The following CACNA1F variants were observed in gnomAD, a reference collection of about 807,000 sequenced individuals.
CACNA1F encodes voltage-dependent L-type calcium channel subunit alpha-1F.
A neutral mutation model predicts 143.8 loss-of-function variants in CACNA1F; 59 were observed. The observed-to-expected ratio is 0.41, with a 90% CI of 0.33 to 0.51. The LOEUF (loss-of-function observed/expected upper bound fraction) is 0.51, where lower values mean the gene tolerates loss of function less well. Among genes scored for constraint, CACNA1F ranks in the 20% least tolerant of loss-of-function variants. The pLI, the probability that CACNA1F is intolerant of heterozygous loss-of-function variation, is 0.22. For synonymous variants in CACNA1F, 643 were observed against 649.1 expected, an observed-to-expected ratio of 0.99 and a Z score of 0.14; for missense variants, 1,411 against 1,647.5, an observed-to-expected ratio of 0.86 and a Z score of 2.48.
Position 49,223,082 on chromosome X carries a change from G to A in CACNA1F, c.1932C>T (p.Ser644=), listed in dbSNP as rs370393709. 21 of 1,201,723 alleles carry A rather than the reference G, an allele frequency of 1.7e-5. No individual in the cohort carries two copies. In the African/African-American group the frequency reaches 3.2e-4, roughly 18 times the overall value. Residue 644 remains serine, a synonymous_variant, in exon 15 of 48, where the codon TCC becomes TCT. Transcript: ENST00000323022. Reference sequence around the variant, plus strand: ...AGAGGAGAAGCAGCAAGGATGCGATGGATTTCATTGAATTGAGCAGGGATG... The same window carrying A: ...AGAGGAGAAGCAGCAAGGATGCGATAGATTTCATTGAATTGAGCAGGGATG... ...LVASLLNSMK[S]IASLLLLLFL...
At chrX:49,215,777 T>C (rs1372723166) in intron 27 of CACNA1F, among the ~76,000 whole-genome samples, 1 of 109,499 alleles carries the variant, frequency 9.1e-6, no homozygotes, top group Non-Finnish European at 1.9e-5. Flanking sequence ...GAAACCCCCA[T>C]AGAGTCCTCC....
chrX:49,230,239 C>T lies in CACNA1F; in HGVS notation c.798G>A (p.Thr266=), dbSNP rs1324429481. ...ACTAACCGGATCCCAGGAAGTAGCACGTCTTGTGCATTCGTCCAAGGAACA... is the reference window on the plus strand; with the variant it reads ...ACTAACCGGATCCCAGGAAGTAGCATGTCTTGTGCATTCGTCCAAGGAACA... ...LELFLGRMHK[T]CYFLGSDMEA... Residue 266 remains threonine (T), a synonymous_variant, in exon 6 of 48, where the codon ACG becomes ACA. Transcript: ENST00000323022. 5 of 1,203,902 alleles carry T rather than the reference C, an allele frequency of 4.2e-6. No homozygotes were observed. Among genetic ancestry groups the T allele is most frequent in the East Asian group, 3.0e-5 (1 of 33,604 alleles).
chrX:49,225,776 G>C (rs2065816875), intron 13 of CACNA1F, 133 bp downstream of exon 13: 2 of 492,042 alleles, frequency 4.1e-6, no homozygotes, highest in Non-Finnish European at 7.1e-6. Context: ...ACAGGCTAAG[G>C]GCTCTGGATT....
chrX:49,212,293 C>T lies in CACNA1F; in HGVS notation c.3958G>A (p.Ala1320Thr). The T allele has an allele frequency of 8.3e-7, 1 of 1,204,586 alleles. No homozygotes were observed. ...IKSFQALPYV[A>T]LLIAMIFFIY... ...AAGAATATCATTGCGATGAGAAGAG[C>T]CACATAGGGCAAGGCCTATAGGGAT... Residue 1320 changes from alanine to threonine, a missense_variant, in exon 34 of 48, where the codon GCT becomes ACT. Transcript: ENST00000323022.
chrX:49,219,194 C>G (rs368967002), intron 21 of CACNA1F, 127 bp downstream of exon 21: 1 of 726,884 alleles, frequency 1.4e-6, no homozygotes. Context: ...GCATCAGCTG[C>G]GTTAATGAGC....
intron 21 of CACNA1F, 43 bp from the exon 22 acceptor site, chrX:49,218,984 A>G: frequency 9.4e-7 from 1 of 1,067,433 alleles, no homozygotes; most frequent in South Asian, 1.9e-5. Context: ...GTCACGGCTG[A>G]GGGGGATCCT....
Position 49,223,054 on chromosome X carries a change from G to A in CACNA1F, c.1960C>T (p.Leu654Phe). The change falls in exon 15 of 48, where the codon CTC (leucine) becomes TTC (phenylalanine). Residue 654 changes from leucine to phenylalanine, a missense_variant. By Grantham distance (22) the Leu-to-Phe change is conservative. This residue lies in a region of CACNA1F where 950 missense variants were observed against 1,128.1 expected (regional missense o/e 0.84). Transcript: ENST00000323022. ...SIASLLLLLF[L>F]FIIIFSLLGM... ...AGCAGGGAGAAGATAATGATGAAGA[G>A]GAAGAGGAGAAGCAGCAAGGATGCG... 3 of 1,201,639 alleles carry A rather than the reference G, an allele frequency of 2.5e-6. No homozygotes were observed. Among genetic ancestry groups the A allele is most frequent in the Non-Finnish European group, 3.4e-6 (3 of 889,533 alleles).
chrX:49,220,355 C>T, intron 19 of CACNA1F, 118 bp downstream of exon 19: 1 of 547,754 alleles, frequency 1.8e-6, no homozygotes, highest in Admixed American at 2.7e-5. Context: ...CTGTTATTTT[C>T]AGGATGATCT....
In CACNA1F at chrX:49,228,393, G is replaced by A. The variant is rs781866020; in HGVS notation, c.872C>T (p.Ala291Val). 2.5e-6 allele frequency: 3 copies of A among 1,209,545 alleles called. No individual in the cohort carries two copies. Among genetic ancestry groups the A allele is most frequent in the Admixed American group, 2.2e-5 (1 of 45,929 alleles). ...SPCASSGSGR[A>V]CTLNQTECRG... ...GCACTCAGTCTGGTTCAGCGTGCAC[G>A]CACGCCCTGATCCCGAAGACGCACA... Residue 291 changes from alanine (A) to valine (V), a missense_variant, in exon 7 of 48, where the codon GCG becomes GTG. Coordinates refer to ENST00000323022, the MANE Select transcript of CACNA1F (RefSeq NM_001256789.3).
chrX:49,207,005 C>T lies in CACNA1F; in HGVS notation c.5231G>A (p.Arg1744Gln), dbSNP rs1557105073. Residue 1744 changes from arginine to glutamine, a missense_variant and splice_region_variant, in exon 44 of 48, where the codon CGG becomes CAG. Transcript: ENST00000323022. Reference sequence around the variant, plus strand: ...ATCCCATGTGGCATGGCCAGTGTACCGATCAGGGACTTCCTCATCCTCATC... The same window carrying T: ...ATCCCATGTGGCATGGCCAGTGTACTGATCAGGGACTTCCTCATCCTCATC... ...KQDEDEEVPD[R>Q]LSYLDEQAGT... is the part of the protein sequence containing the mutation. 2.5e-5 allele frequency: 30 copies of T among 1,184,275 alleles called. No individual in the cohort carries two copies. Among genetic ancestry groups the T allele is most frequent in the South Asian group, 1.6e-4 (9 of 55,108 alleles).
At chrX:49,233,096 C>A in intron 1 of CACNA1F, 189 bp downstream of exon 1, 1 of 458,539 alleles carries the variant, frequency 2.2e-6, no homozygotes, top group Non-Finnish European at 3.8e-6. Flanking sequence ...GGGGTGGTGT[C>A]TGGGTCAGGC....
chrX:49,216,418 G>C lies in CACNA1F; in HGVS notation c.3200C>G (p.Ala1067Gly), dbSNP rs781783601. Residue 1067 changes from alanine (A) to glycine (G), a missense_variant, in exon 27 of 48, where the codon GCC (alanine) becomes GGC (glycine). Physicochemically the swap from Ala to Gly is moderately conservative, Grantham distance 60. This residue lies in a region of CACNA1F where 950 missense variants were observed against 1,128.1 expected (regional missense o/e 0.84). Transcript: ENST00000323022. ...NFDNVLSAMM[A>G]LFTVSTFEGW... is the part of the protein sequence containing the mutation. ...TTCAAAGGTGGAGACAGTGAACAGGGCCATCATGGCTGAAAGGACATTGTC... is the reference window on the plus strand; with the variant it reads ...TTCAAAGGTGGAGACAGTGAACAGGCCCATCATGGCTGAAAGGACATTGTC... The C allele has an allele frequency of 8.3e-7, 1 of 1,210,130 alleles. No homozygotes were observed. Among genetic ancestry groups the C allele is most frequent in the Non-Finnish European group, 1.1e-6 (1 of 894,242 alleles).
rs1557105779 is a variant in CACNA1F, at chrX:49,209,746, G to A, written c.4704C>T (p.Thr1568=). 8.3e-7 allele frequency: 1 copy of A among 1,211,282 alleles called. No individual in the cohort carries two copies. The highest frequency in any genetic ancestry group is 1.1e-6 in the Non-Finnish European group (1 of 895,190). ...GAAATGTGGCGTAGAATTTGCCCAC[G>A]GTGACCTCCTCCTCTAGGGGCAAGG... The part of the protein sequence containing the change: ...VIPPPDEEEV[T]VGKFYATFLI... Residue 1568 remains threonine, a synonymous_variant, in exon 41 of 48, where the codon ACC becomes ACT. Coordinates refer to ENST00000323022, the MANE Select transcript of CACNA1F (RefSeq NM_001256789.3).
At position 49,217,916 on chromosome X, in the gene CACNA1F, G is replaced by A. The variant is rs1557107807; in HGVS notation, c.3018C>T (p.Ile1006=). Residue 1006 remains isoleucine, a synonymous_variant, in exon 25 of 48, where the codon ATC becomes ATT. Coordinates refer to ENST00000323022, the MANE Select transcript of CACNA1F (RefSeq NM_001256789.3). ...TTLLQFMFAC[I]GVQLFKGKFY... ...GCCCCACCTTGAAGAGCTGCACCCC[G>A]ATGCAGGCGAACATAAATTGCAGAA... 5.8e-6 allele frequency: 7 copies of A among 1,209,156 alleles called. No individual in the cohort carries two copies. Among genetic ancestry groups the A allele is most frequent in the Non-Finnish European group, 6.7e-6 (6 of 893,256 alleles).
Position 49,230,612 on chromosome X carries a change from G to T in CACNA1F, c.522-3C>A. 1.7e-6 allele frequency: 2 copies of T among 1,164,482 alleles called. No homozygotes were observed. The highest frequency in any genetic ancestry group is 1.1e-6 in the Non-Finnish European group (1 of 870,241). On this transcript the variant is annotated splice_region_variant and splice_polypyrimidine_tract_variant and intron_variant, in intron 4 of 47. Coordinates refer to ENST00000323022, the MANE Select transcript of CACNA1F (RefSeq NM_001256789.3). ...GCTCCAGCAGAACGCTGAACAGCCT[G>T]ATGGGGGAGCACCGGGCAGGGAGGC...
chrX:49,231,949 G>A, intron 1 of CACNA1F, 22 bp from the exon 2 acceptor site: 1 of 1,160,443 alleles, frequency 8.6e-7, no homozygotes, highest in Non-Finnish European at 1.1e-6. Context: ...AACTGTGTCA[G>A]GGAGGGACAG....
rs368972015 is a variant in CACNA1F at position 49,209,638 on chromosome X, G to A, written c.4812C>T (p.Ser1604=). ...GCCCTGCCCCGAAGACCTGAAGGGCGGAAGAGGTGCTAGGGGCGGCGTCGT... is the reference window on the plus strand; with the variant it reads ...GCCCTGCCCCGAAGACCTGAAGGGCAGAAGAGGTGCTAGGGGCGGCGTCGT... ...LGNDAAPSTS[S]ALQAGLRSLQ... is the part of the protein sequence containing the mutation. Residue 1604 remains serine, a synonymous_variant, in exon 41 of 48, where the codon TCC becomes TCT. Coordinates refer to ENST00000323022, the MANE Select transcript of CACNA1F (RefSeq NM_001256789.3). 8 of 1,211,352 alleles carry A rather than the reference G, an allele frequency of 6.6e-6. No homozygotes were observed. Among genetic ancestry groups the A allele is most frequent in the African/African-American group, 3.5e-5 (2 of 57,969 alleles).
chrX:49,206,392 CA>C (rs1168190548), intron 46 of CACNA1F, 118 bp downstream of exon 46: 9,996 of 150,081 alleles, frequency 0.067, no homozygotes, highest in East Asian at 0.089. Context: ...AACTCTGTCT[CA>C]AAAAAAAAAA....
chrX:49,228,537 T>C (rs782511673), intron 6 of CACNA1F, 90 bp from the exon 7 acceptor site: 28 of 691,614 alleles, frequency 4.0e-5, no homozygotes, highest in Non-Finnish European at 5.9e-5. Context: ...AAGCTCGACT[T>C]GGGTCCTAGA....
Sources: allele counts gnomAD v4.1 joint callset (sites outside exome capture counted in the v4.1 genomes callset), GRCh38; gene constraint gnomAD v4.1.1; regional missense constraint gnomAD v4.1.1; transcripts MANE v1.5; gene names NCBI Gene and HGNC (gene_info 2026-07-23, HGNC 2026-07-21).